The following RCOR3 variants were observed in gnomAD, a reference collection of about 807,000 sequenced individuals.
RCOR3 encodes the protein REST corepressor 3.
RCOR3 carries 13 observed loss-of-function variants against 64.1 expected under a neutral mutation model. That is an observed-to-expected ratio of 0.20 (90% confidence interval 0.13 to 0.32). RCOR3 has a LOEUF of 0.32. Ranked by LOEUF, RCOR3 falls within the 10% of genes least tolerant of loss-of-function variation. The pLI is 1.00. For missense variants in RCOR3, 489 were observed against 701.2 expected (o/e 0.70, Z 3.42); for synonymous variants, 215 against 239.0 (o/e 0.90, Z 0.93).
chr1:211,273,732 G>A (rs1696565035), intron 3 of RCOR3, among the ~76,000 whole-genome samples: 2 of 152,284 alleles, frequency 1.3e-5, no homozygotes, highest in South Asian at 2.1e-4. Flanking sequence ...ATACATAAAT[G>A]TGTCGTTATT....
chr1:211,298,049 A>G (rs908486538), intron 9 of RCOR3, among the ~76,000 whole-genome samples: 1 of 152,202 alleles, frequency 6.6e-6, no homozygotes, highest in African/African-American at 2.4e-5. Context: ...TTCCACAAGT[A>G]TTTATTGATT....
Position 211,278,244 on chromosome 1 carries a change from A to G in RCOR3, c.641+3A>G. 1 of 1,613,676 alleles carries G rather than the reference A, an allele frequency of 6.2e-7. No individual in the cohort carries two copies. The highest frequency in any genetic ancestry group is 8.5e-7 in the Non-Finnish European group (1 of 1,179,774). ...AATAGACATAATCAGGGTGACAGGT[A>G]GGTTGGTTACCTTCATATAGTTACA... On this transcript the variant is annotated splice_donor_region_variant and intron_variant, in intron 6 of 11. Transcript: ENST00000419091.
At chr1:211,259,885 ACCCCCCGT>A (rs1170978132) in intron 1 of RCOR3, 159 bp downstream of exon 1, 1 of 374,004 alleles carries the variant, frequency 2.7e-6, no homozygotes, top group Non-Finnish European at 4.2e-6. Context: ...CACCCCCGCG[ACCCCCCGT>A]CCCTCCGCCC....
At chr1:211,293,423 T>G (rs1197240812) in intron 8 of RCOR3, among the ~76,000 whole-genome samples, 1 of 152,222 alleles carries the variant, frequency 6.6e-6, no homozygotes, top group Non-Finnish European at 1.5e-5. Context: ...CTTTTCACCT[T>G]AGGGCTTTTC....
chr1:211,259,989 C>T (rs1571734643), intron 1 of RCOR3, 119 bp from the exon 2 acceptor site: 1 of 1,378,100 alleles, frequency 7.3e-7, no homozygotes, highest in African/African-American at 1.5e-5. Context: ...TGATATCTTC[C>T]CATCCACCCG....
In RCOR3 at chr1:211,313,453, G is replaced by A; in HGVS notation, c.1347G>A (p.Leu449=). The A allele has an allele frequency of 6.2e-7, 1 of 1,613,810 alleles. No individual in the cohort carries two copies. ...AGACCCCACAGGCTCCTCGGACACT[G>A]GGTCCATCACCTCCTGCCCCATCAT... ...EAQTPQAPRT[L]GPSPPAPSST... is the part of the protein sequence containing the mutation. The change falls in exon 12 of 12, where the codon CTG becomes CTA. Residue 449 remains leucine, a synonymous_variant. Coordinates refer to ENST00000419091, the MANE Select transcript of RCOR3 (RefSeq NM_001136223.3). This position sits in a 1 kb window ranked among gnomAD's most constrained non-coding sequence, Gnocchi z 4.7.
chr1:211,310,514 TG>T (rs1173541798), intron 10 of RCOR3, among the ~76,000 whole-genome samples: 1 of 152,192 alleles, frequency 6.6e-6, no homozygotes, highest in East Asian at 1.9e-4. Context: ...TAAGCATACC[TG>T]GGTGAGTTAG....
At chr1:211,306,803 C>T (rs1055550938) in intron 10 of RCOR3, among the ~76,000 whole-genome samples, 16 of 152,110 alleles carry the variant, frequency 1.1e-4, no homozygotes, top group African/African-American at 3.4e-4. Flanking sequence ...GAACCATGCT[C>T]AGATCAAATA....
In RCOR3 at chr1:211,313,516, C is replaced by T. The variant is rs751210541; in HGVS notation, c.1410C>T (p.Asn470=). ...PTPTAPIATL[N]QPPPLLRPTL... Reference sequence around the variant, plus strand: ...CAACAGCCCCTATTGCCACTCTGAACCAGCCTCCACCACTTCTTCGTCCAA... The same window carrying T: ...CAACAGCCCCTATTGCCACTCTGAATCAGCCTCCACCACTTCTTCGTCCAA... The change falls in exon 12 of 12, where the codon AAC becomes AAT. Residue 470 remains asparagine, a synonymous_variant. Coordinates refer to ENST00000419091, the MANE Select transcript of RCOR3 (RefSeq NM_001136223.3). The surrounding 1 kb of genome is among the most constrained non-coding windows in gnomAD (Gnocchi z 4.7). The T allele has an allele frequency of 1.6e-5, 26 of 1,614,040 alleles. No individual in the cohort carries two copies. Among genetic ancestry groups the T allele is most frequent in the South Asian group, 2.2e-5 (2 of 91,080 alleles).
chr1:211,314,048 A>G lies in RCOR3; in HGVS notation c.*280A>G. 2.9e-6 allele frequency: 1 copy of G among 340,674 alleles called. No individual in the cohort carries two copies. The highest frequency in any genetic ancestry group is 5.4e-6 in the Non-Finnish European group (1 of 186,772). 21.1% of individuals were successfully genotyped at this position (340,674 alleles called of 1,614,324 possible). On this transcript the variant is annotated 3_prime_UTR_variant, in exon 12 of 12. Coordinates refer to ENST00000419091, the MANE Select transcript of RCOR3 (RefSeq NM_001136223.3). Reference sequence around the variant, plus strand: ...AAAACAAAAGATTTAAGTATTCTATATACCAAGTTTTTGTTTTGTTTTTAC... The same window carrying G: ...AAAACAAAAGATTTAAGTATTCTATGTACCAAGTTTTTGTTTTGTTTTTAC...
At chr1:211,308,684 G>T (rs58006997) in intron 10 of RCOR3, among the ~76,000 whole-genome samples, 8,555 of 41,380 alleles carry the variant, frequency 0.21, 1,162 homozygotes, top group East Asian at 0.53. Flanking sequence ...TTTTTTTTTT[G>T]TTTTTTTTTT....
chr1:211,294,242 TG>T (rs1328367502), intron 8 of RCOR3, among the ~76,000 whole-genome samples: 2 of 152,234 alleles, frequency 1.3e-5, no homozygotes, highest in African/African-American at 4.8e-5. Context: ...ATTCACTGTA[TG>T]TTATGAACCA....
intron 8 of RCOR3, among the ~76,000 whole-genome samples, chr1:211,295,131 A>G (rs1319723770): frequency 6.7e-6 from 1 of 149,364 alleles, no homozygotes; most frequent in East Asian, 2.0e-4. Flanking sequence ...CAAAAACACT[A>G]GGATTTTAGG....
chr1:211,268,800 G>C (rs550031103), intron 2 of RCOR3, among the ~76,000 whole-genome samples: 1 of 151,922 alleles, frequency 6.6e-6, no homozygotes, highest in Non-Finnish European at 1.5e-5. Flanking sequence ...AAAGGCTTTC[G>C]AATACTTTGG....
intron 9 of RCOR3, among the ~76,000 whole-genome samples, chr1:211,298,658 G>A (rs1042142220): frequency 2.0e-5 from 3 of 152,108 alleles, no homozygotes; most frequent in African/African-American, 7.2e-5. Context: ...GTTGAGTAGG[G>A]GCATCTTTGT....
rs186313079 is a variant in RCOR3, at chr1:211,259,652, G to C, written c.92G>C (p.Ser31Thr). The change falls in exon 1 of 12, where the codon AGC becomes ACC. Residue 31 changes from serine to threonine, a missense_variant. By Grantham distance (58) the Ser-to-Thr change is moderately conservative. Transcript: ENST00000419091. ...AAGAGCCCGGCAGGCGGCGGCGGCA[G>C]CGGCGCCTCGTCCACCAACGGCGGG... ...SAKSPAGGGG[S>T]GASSTNGGLH... 7.8e-6 allele frequency: 12 copies of C among 1,547,308 alleles called. No homozygotes were observed. The highest frequency in any genetic ancestry group is 7.0e-6 in the Non-Finnish European group (8 of 1,145,482).
intron 9 of RCOR3, chr1:211,302,955 T>G (rs549245421): frequency 1.3e-5 from 2 of 152,304 alleles, no homozygotes; most frequent in South Asian, 4.1e-4. Flanking sequence ...TTTTTTAGAT[T>G]TGTTGTGCTC....
In RCOR3 at chr1:211,271,203, T is replaced by C. The variant is rs780685718; in HGVS notation, c.224-29T>C. The C allele has an allele frequency of 2.5e-6, 4 of 1,582,380 alleles. No homozygotes were observed. The Admixed American group carries it at 5.1e-5, about 20-fold the overall frequency. On this transcript the variant is annotated intron_variant, in intron 2 of 11. Coordinates refer to ENST00000419091, the MANE Select transcript of RCOR3 (RefSeq NM_001136223.3). Reference sequence around the variant, plus strand: ...TTTTCAGTGTAAATAAAATCCATCATATTCAAAGTAATTATCTTTTTCCCC... The same window carrying C: ...TTTTCAGTGTAAATAAAATCCATCACATTCAAAGTAATTATCTTTTTCCCC...
At chr1:211,259,928 C>G (rs1166163450) in intron 1 of RCOR3, 180 bp from the exon 2 acceptor site, 1 of 936,178 alleles carries the variant, frequency 1.1e-6, no homozygotes. Context: ...GCCTTTGCCC[C>G]CCCCCGCTCC....
Sources: gnomAD v4.1 joint callset for allele counts (sites outside exome capture counted in the v4.1 genomes callset) on GRCh38, gnomAD v4.1.1 for gene constraint, Gnocchi (gnomAD v3.1) non-coding constraint, MANE v1.5 for transcripts, NCBI Gene and HGNC (gene_info 2026-07-23, HGNC 2026-07-21) for gene names.